C3orf38: variants seen among roughly 807,000 people sequenced by gnomAD.
C3orf38 encodes the protein chromosome 3 open reading frame 38, also known as uncharacterized protein C3orf38.
Under a neutral mutation model 28.3 loss-of-function variants are expected in C3orf38, and 18 were observed. The ratio of observed to expected loss-of-function variants is 0.64; its 90% CI spans 0.44 to 0.94. The LOEUF is 0.94. Among genes scored for constraint, C3orf38 ranks in the 40% least tolerant of loss-of-function variants. C3orf38 has a pLI of 0.00. For synonymous variants in C3orf38, 145 were observed against 138.1 expected (o/e 1.05, Z -0.35); for missense variants, 364 against 396.4 (o/e 0.92, Z 0.69).
rs1707499201 is a variant in C3orf38, at chr3:88,157,751, G to A, written c.*1116G>A. On this transcript the variant is annotated 3_prime_UTR_variant, in exon 3 of 3. Transcript: ENST00000318887. The stretch of plus-strand genomic sequence containing the variant: ...ACTTTAATTTATAAAATTACCATTT[G>A]GAAAAGAACTCAATTGGGAAATGTG... 6.6e-6 allele frequency: 1 copy of A among 152,006 alleles called. No homozygotes were observed. The highest frequency in any genetic ancestry group is 2.4e-5 in the African/African-American group (1 of 41,394). 9.4% of individuals were successfully genotyped at this position (152,006 alleles called of 1,614,324 possible).
rs182500670 is a variant in C3orf38, at chr3:88,157,784, A to G, written c.*1149A>G. 1 of 152,292 alleles carries G rather than the reference A, an allele frequency of 6.6e-6. No individual in the cohort carries two copies. Among genetic ancestry groups the G allele is most frequent in the East Asian group, 1.9e-4 (1 of 5,180 alleles). The allele number at this position is 152,292 out of a possible 1,614,324, so 9.4% of individuals were successfully genotyped here. On this transcript the variant is annotated 3_prime_UTR_variant, in exon 3 of 3. Coordinates refer to ENST00000318887, the MANE Select transcript of C3orf38 (RefSeq NM_173824.4). ...ACTCAATTGGGAAATGTGATGACGT[A>G]TTGTACATGTTACTTTTTCCTTTGC...
rs370381957 is a variant in C3orf38, at chr3:88,153,365, A to G, written c.269A>G (p.Asn90Ser). Residue 90 changes from asparagine to serine, a missense_variant, in exon 2 of 3, where the codon AAT (asparagine) becomes AGT (serine). By Grantham distance (46) the Asn-to-Ser change is conservative (BLOSUM62 1). Transcript: ENST00000318887. ...ATACCTCCAGCTACTGAAAAACACA[A>G]TCTTATTCAGCATGCAAAAGATTAC... is the stretch of plus-strand genomic sequence containing the variant. ...IVIPPATEKH[N>S]LIQHAKDYWQ... 13 of 1,614,136 alleles carry G rather than the reference A, an allele frequency of 8.1e-6. No homozygotes were observed. The highest frequency in any genetic ancestry group is 1.1e-5 in the South Asian group (1 of 91,074).
intron 2 of C3orf38, among the ~76,000 whole-genome samples, chr3:88,154,969 C>T (rs1707460081): frequency 6.6e-6 from 1 of 151,940 alleles, no homozygotes; most frequent in Non-Finnish European, 1.5e-5. Context: ...AAGCACTTCT[C>T]CTGCCTCAGC....
At position 88,153,608 on chromosome 3, in the gene C3orf38, GT is replaced by G; in HGVS notation, c.375+139del. 5.5e-6 allele frequency: 6 copies of G among 1,094,236 alleles called. 1 individual carries two copies. The highest frequency in any genetic ancestry group is 5.1e-5 in the South Asian group (3 of 59,176). 67.8% of individuals were successfully genotyped at this position (1,094,236 alleles called of 1,614,324 possible). ...TTATTTTTTAAGAGATTCTTGCTCTGTTGCCCAGGCTGGAGTGCAGTGGTGT... is the reference window on the plus strand; with the variant it reads ...TTATTTTTTAAGAGATTCTTGCTCTGTGCCCAGGCTGGAGTGCAGTGGTGT... On this transcript the variant is annotated intron_variant, in intron 2 of 2. Coordinates refer to ENST00000318887, the MANE Select transcript of C3orf38 (RefSeq NM_173824.4).
chr3:88,154,456 C>G (rs1243797308), intron 2 of C3orf38, among the ~76,000 whole-genome samples: 3 of 151,040 alleles, frequency 2.0e-5, no homozygotes, highest in Admixed American at 1.3e-4. Context: ...TTTATATTAT[C>G]TCCACTGTAC....
intron 2 of C3orf38, among the ~76,000 whole-genome samples, chr3:88,153,770 C>CTTG (rs1707447082): frequency 6.6e-6 from 1 of 151,798 alleles, no homozygotes; most frequent in Non-Finnish European, 1.5e-5. Flanking sequence ...GATAGGGTCC[C>CTTG]AACTATGTTG....
At chr3:88,152,024 C>T (rs1461381829) in intron 1 of C3orf38, among the ~76,000 whole-genome samples, 2 of 152,176 alleles carry the variant, frequency 1.3e-5, no homozygotes, top group Non-Finnish European at 2.9e-5. Context: ...ATAGTAATTT[C>T]TTATGTCCTA....
chr3:88,150,016 A>G lies in C3orf38; in HGVS notation c.-37A>G. ...GCGGGCCCAGTGGGCCGTAGGGGCG[A>G]CATTGTTGCCGTTGTCTTTCCCCCC... On this transcript the variant is annotated 5_prime_UTR_variant, in exon 1 of 3. Transcript: ENST00000318887. The G allele has an allele frequency of 6.2e-7, 1 of 1,600,262 alleles. No homozygotes were observed. The highest frequency in any genetic ancestry group is 8.5e-7 in the Non-Finnish European group (1 of 1,175,142).
intron 2 of C3orf38, among the ~76,000 whole-genome samples, chr3:88,155,600 A>G (rs1707469505): frequency 6.6e-6 from 1 of 151,896 alleles, no homozygotes; most frequent in Admixed American, 6.6e-5. Context: ...CTGGGAATAC[A>G]GGTACACGCC....
rs1707487223 is a variant in C3orf38, at chr3:88,156,926, C to T, written c.*291C>T. The T allele has an allele frequency of 3.4e-6, 1 of 295,654 alleles. No individual in the cohort carries two copies. The highest frequency in any genetic ancestry group is 2.2e-5 in the African/African-American group (1 of 46,024). 18.3% of individuals were successfully genotyped at this position (295,654 alleles called of 1,614,324 possible). ...ATCCCACTTTAGATCTTACAGCTAA[C>T]TGTGTGCCTTAGAAACCAGGTAATA... On this transcript the variant is annotated 3_prime_UTR_variant, in exon 3 of 3. Coordinates refer to ENST00000318887, the MANE Select transcript of C3orf38 (RefSeq NM_173824.4).
chr3:88,150,245 C>T (rs1159657444), intron 1 of C3orf38, 60 bp downstream of exon 1: 5 of 1,587,028 alleles, frequency 3.2e-6, no homozygotes, highest in South Asian at 2.2e-5. Context: ...ACGCCTACCC[C>T]GCTTAGGCAG....
chr3:88,156,563 T>C lies in C3orf38; in HGVS notation c.918T>C (p.Thr306=). The C allele has an allele frequency of 2.5e-6, 4 of 1,613,984 alleles. No homozygotes were observed. The highest frequency in any genetic ancestry group is 2.2e-5 in the East Asian group (1 of 44,886). Residue 306 remains threonine, a synonymous_variant, in exon 3 of 3, where the codon ACT becomes ACC. Transcript: ENST00000318887. The stretch of plus-strand genomic sequence containing the variant: ...TAGAGGCCTTTTATAATGTAATCAC[T>C]GTATGTGGTACCAATGAAGTACGAC... ...SDLEAFYNVI[T]VCGTNEVRHN...
At chr3:88,152,366 C>T (rs1296523580) in intron 1 of C3orf38, among the ~76,000 whole-genome samples, 4 of 152,146 alleles carry the variant, frequency 2.6e-5, no homozygotes, top group Admixed American at 6.5e-5. Flanking sequence ...GCTGAGATCG[C>T]GCCACTGCAC....
At chr3:88,150,761 T>G (rs1262638345) in intron 1 of C3orf38, 2 of 152,196 alleles carry the variant, frequency 1.3e-5, no homozygotes, top group Non-Finnish European at 2.9e-5. Flanking sequence ...CATATAAAAA[T>G]GTAAAGCGTT....
chr3:88,156,767 G>A lies in C3orf38; in HGVS notation c.*132G>A. 2.2e-6 allele frequency: 2 copies of A among 926,430 alleles called. No homozygotes were observed. Among genetic ancestry groups the A allele is most frequent in the Non-Finnish European group, 3.2e-6 (2 of 626,476 alleles). The allele number at this position is 926,430 out of a possible 1,614,324, so 57.4% of individuals were successfully genotyped here. On this transcript the variant is annotated 3_prime_UTR_variant, in exon 3 of 3. Coordinates refer to ENST00000318887, the MANE Select transcript of C3orf38 (RefSeq NM_173824.4). ...TCCAAATACTATATCAGTAATGTCT[G>A]AATGATTTCAGATGTGAAAATTGAC...
rs1175997650 is a variant in C3orf38, at chr3:88,156,070, GAGA to G, written c.430_432del (p.Glu144del). The G allele has an allele frequency of 8.9e-6, 14 of 1,569,474 alleles. No individual in the cohort carries two copies. Among genetic ancestry groups the G allele is most frequent in the African/African-American group, 1.4e-5 (1 of 72,574 alleles). On this transcript the variant is annotated inframe_deletion, in exon 3 of 3. Coordinates refer to ENST00000318887, the MANE Select transcript of C3orf38 (RefSeq NM_173824.4). ...GAAAAAGTTGATTTTCGTCGCCTAG[GAGA>G]AGAATTCTGTCATTGGTTCTTTGGA...
In C3orf38 at chr3:88,156,201, G is replaced by A. The variant is rs1245137193; in HGVS notation, c.556G>A (p.Glu186Lys). 3 of 1,613,904 alleles carry A rather than the reference G, an allele frequency of 1.9e-6. No homozygotes were observed. The African/African-American group carries it at 4.0e-5, about 22-fold the overall frequency. The change falls in exon 3 of 3, where the codon GAA (glutamate) becomes AAA (lysine). Residue 186 changes from glutamate (E) to lysine (K), a missense_variant. By Grantham distance (56) the Glu-to-Lys change is moderately conservative (BLOSUM62 1). Coordinates refer to ENST00000318887, the MANE Select transcript of C3orf38 (RefSeq NM_173824.4). ...GCTTAGGTTTTATTACAACACATCA[G>A]AACAAAATGTTATGGACTACCATGG... ...VKLRFYYNTS[E>K]QNVMDYHGAE...
chr3:88,153,191 C>T, intron 1 of C3orf38, 39 bp from the exon 2 acceptor site: 1 of 1,574,538 alleles, frequency 6.4e-7, no homozygotes, highest in African/African-American at 1.4e-5. Context: ...TTTGTAAGTG[C>T]CTCATGATTT....
rs2107935007 is a variant in C3orf38 at position 88,156,703 on chromosome 3, T to A, written c.*68T>A. The A allele has an allele frequency of 6.7e-7, 1 of 1,495,406 alleles. No individual in the cohort carries two copies. The highest frequency in any genetic ancestry group is 9.0e-7 in the Non-Finnish European group (1 of 1,114,594). 92.6% of individuals were successfully genotyped at this position (1,495,406 alleles called of 1,614,324 possible). ...TTACCTGACCCTCTAAAGCGCTAAG[T>A]ACTGTCAGCCTGAAAAAAATCTTCT... On this transcript the variant is annotated 3_prime_UTR_variant, in exon 3 of 3. Transcript: ENST00000318887.
Sources: allele counts gnomAD v4.1 joint callset (sites outside exome capture counted in the v4.1 genomes callset), GRCh38; gene constraint gnomAD v4.1.1; transcripts MANE v1.5; gene names NCBI Gene and HGNC (gene_info 2026-07-23, HGNC 2026-07-21).